The following EPB41L5 variants were observed in gnomAD, a reference collection of about 807,000 sequenced individuals.
The protein encoded by EPB41L5 is erythrocyte membrane protein band 4.1 like 5.
Under a neutral mutation model 106.6 loss-of-function variants are expected in EPB41L5, and 55 were observed. The observed-to-expected ratio is 0.52, with a 90% CI of 0.42 to 0.65. The LOEUF is 0.65. Among genes scored for constraint, EPB41L5 ranks in the 30% least tolerant of loss-of-function variants. EPB41L5 has a pLI of 0.00. For synonymous variants in EPB41L5, 297 were observed against 306.7 expected, an observed-to-expected ratio of 0.97 and a Z score of 0.33; for missense variants, 871 against 882.1, an observed-to-expected ratio of 0.99 and a Z score of 0.16.
In EPB41L5 at chr2:120,091,571, C is replaced by G. The variant is rs1683414552; in HGVS notation, c.1060C>G (p.Gln354Glu). Residue 354 changes from glutamine to glutamate, a missense_variant, in exon 13 of 25, where the codon CAG becomes GAG. Physicochemically the swap from Gln to Glu is conservative, Grantham distance 29 (BLOSUM62 2). Coordinates refer to ENST00000263713, the MANE Select transcript of EPB41L5 (RefSeq NM_020909.4). ...RFRYSGKTEY[Q>E]TTKTNKARRS... Reference sequence around the variant, plus strand: ...CTCATTTAGTGGGAAAACAGAGTATCAGACCACAAAAACCAATAAAGCAAG... The same window carrying G: ...CTCATTTAGTGGGAAAACAGAGTATGAGACCACAAAAACCAATAAAGCAAG... 3.1e-6 allele frequency: 5 copies of G among 1,613,584 alleles called. No homozygotes were observed. The highest frequency in any genetic ancestry group is 4.2e-6 in the Non-Finnish European group (5 of 1,179,672).
chr2:120,066,613 C>G (rs1323316363), intron 3 of EPB41L5, among the ~76,000 whole-genome samples: 1 of 152,056 alleles, frequency 6.6e-6, no homozygotes, highest in Non-Finnish European at 1.5e-5. Flanking sequence ...TGTAGAATTG[C>G]TGGGTTGAAG....
chr2:120,138,479 C>A (rs1226737556), intron 18 of EPB41L5, among the ~76,000 whole-genome samples: 5 of 151,868 alleles, frequency 3.3e-5, no homozygotes, highest in Non-Finnish European at 7.4e-5. Flanking sequence ...CTAATAAATT[C>A]AGTAAAGTGG....
At chr2:120,053,476 T>G (rs1680426535) in intron 3 of EPB41L5, among the ~76,000 whole-genome samples, 1 of 152,168 alleles carries the variant, frequency 6.6e-6, no homozygotes. Context: ...AAAGAAACCC[T>G]CTTACACGTT....
chr2:120,107,769 G>A (rs898951718), intron 16 of EPB41L5, among the ~76,000 whole-genome samples: 52 of 152,164 alleles, frequency 3.4e-4, no homozygotes, highest in Non-Finnish European at 5.0e-4. Flanking sequence ...AACATTGTGA[G>A]AATGGAATCT....
At chr2:120,074,236 T>C in intron 5 of EPB41L5, 58 bp downstream of exon 5, 1 of 1,309,386 alleles carries the variant, frequency 7.6e-7, no homozygotes, top group Non-Finnish European at 1.1e-6. Context: ...AAAGACTGTC[T>C]TTATATTGTT....
intron 18 of EPB41L5, among the ~76,000 whole-genome samples, chr2:120,135,541 A>C (rs952349822): frequency 3.3e-5 from 5 of 152,206 alleles, no homozygotes; most frequent in Non-Finnish European, 5.9e-5. Flanking sequence ...AAAAACAGCA[A>C]GATAAAAGAA....
Position 120,091,678 on chromosome 2 carries a change from T to C in EPB41L5, c.1150+17T>C, listed in dbSNP as rs750017206. 6.4e-7 allele frequency: 1 copy of C among 1,571,982 alleles called. No individual in the cohort carries two copies. Among genetic ancestry groups the C allele is most frequent in the Admixed American group, 1.7e-5 (1 of 57,940 alleles). ...AAATGAAAGGTGAAGTGCAACCCTCTTTCAAAGGATTATTTTTCCTTGGCA... is the reference window on the plus strand; with the variant it reads ...AAATGAAAGGTGAAGTGCAACCCTCCTTCAAAGGATTATTTTTCCTTGGCA... On this transcript the variant is annotated intron_variant, in intron 13 of 24. Transcript: ENST00000263713.
intron 3 of EPB41L5, among the ~76,000 whole-genome samples, chr2:120,063,118 T>G (rs1353913911): frequency 6.6e-6 from 1 of 151,928 alleles, no homozygotes; most frequent in Non-Finnish European, 1.5e-5. Context: ...GGTGGGCAGA[T>G]CATATGAGGT....
At chr2:120,160,034 A>G (rs1003492529) in intron 20 of EPB41L5, among the ~76,000 whole-genome samples, 1 of 152,218 alleles carries the variant, frequency 6.6e-6, no homozygotes, top group East Asian at 1.9e-4. Flanking sequence ...GTGGACACAT[A>G]GAGGTGAAAA....
intron 3 of EPB41L5, among the ~76,000 whole-genome samples, chr2:120,045,596 T>G (rs1679711340): frequency 6.6e-6 from 1 of 152,182 alleles, no homozygotes; most frequent in African/African-American, 2.4e-5. Flanking sequence ...TCAGATAATG[T>G]TAACTGTTCC....
At chr2:120,134,030 G>A (rs996482904) in intron 18 of EPB41L5, among the ~76,000 whole-genome samples, 1 of 152,030 alleles carries the variant, frequency 6.6e-6, no homozygotes, top group Admixed American at 6.6e-5. Flanking sequence ...TGTCTTGAGG[G>A]AAAGTATCCA....
intron 2 of EPB41L5, among the ~76,000 whole-genome samples, chr2:120,020,427 TAATC>T (rs1456814836): frequency 1.3e-5 from 2 of 152,224 alleles, no homozygotes; most frequent in African/African-American, 2.4e-5. Flanking sequence ...ATGATAAAAT[TAATC>T]AAAGACTCAG....
At position 120,163,980 on chromosome 2, in the gene EPB41L5, C is replaced by CTTTT. The variant is rs70949387; in HGVS notation, c.1888-839_1888-836dup. 1.6e-4 allele frequency among the ~76,000 whole-genome samples: 11 copies of CTTTT among 68,140 alleles called. 2 individuals carry two copies. Among genetic ancestry groups the CTTTT allele is most frequent in the Non-Finnish European group, 2.2e-4 (8 of 36,848 alleles). The allele number at this position is 68,140 out of a possible 152,430, so 44.7% of individuals were successfully genotyped here. ...ACTTTTTTTTATTTTTTTGTATTTA[C>CTTTT]TTTTTTTTTTTTTTTTTTTTGAGAT... On this transcript the variant is annotated intron_variant, in intron 21 of 24. Coordinates refer to ENST00000263713, the MANE Select transcript of EPB41L5 (RefSeq NM_020909.4).
rs1326142721 is a variant in EPB41L5, at chr2:120,147,618, C to CT, written c.1793+1330dup. Among the ~76,000 whole-genome samples the CT allele has an allele frequency of 3.5e-5, 4 of 115,924 alleles. No homozygotes were observed. In the East Asian group the frequency reaches 7.0e-4, roughly 20 times the overall value. The allele number at this position is 115,924 out of a possible 152,430, so 76.1% of individuals were successfully genotyped here. ...CCAGCGTGGGCAACAGAGCGAAACT[C>CT]TGTCTCAAAAAAAAAAAAAAAAAAA... On this transcript the variant is annotated intron_variant, in intron 20 of 24. Transcript: ENST00000263713.
At chr2:120,132,036 G>A (rs148457965) in intron 18 of EPB41L5, among the ~76,000 whole-genome samples, 69 of 152,172 alleles carry the variant, frequency 4.5e-4, no homozygotes, top group African/African-American at 1.6e-3. Flanking sequence ...ATTACAGAAG[G>A]ATTTGTTTTA....
At chr2:120,088,208 C>G (rs1683193248) in intron 11 of EPB41L5, among the ~76,000 whole-genome samples, 1 of 152,042 alleles carries the variant, frequency 6.6e-6, no homozygotes, top group African/African-American at 2.4e-5. Flanking sequence ...AGTAATTTGA[C>G]TGCTATACTT....
At chr2:120,065,140 A>G (rs1681357795) in intron 3 of EPB41L5, among the ~76,000 whole-genome samples, 1 of 152,040 alleles carries the variant, frequency 6.6e-6, no homozygotes, top group African/African-American at 2.4e-5. Flanking sequence ...CATTTTAGAG[A>G]TGGGGTCTTG....
intron 1 of EPB41L5, among the ~76,000 whole-genome samples, chr2:120,015,917 A>C (rs1255465918): frequency 6.6e-6 from 1 of 151,932 alleles, no homozygotes; most frequent in Non-Finnish European, 1.5e-5. Context: ...TAAAAAAAAA[A>C]AAAAAAAAAC....
At chr2:120,022,213 T>C (rs1444644580) in intron 2 of EPB41L5, among the ~76,000 whole-genome samples, 1 of 152,198 alleles carries the variant, frequency 6.6e-6, no homozygotes, top group African/African-American at 2.4e-5. Context: ...CTTTAAGTTC[T>C]GGGATACATG....
Sources: gnomAD v4.1 joint callset for allele counts (sites outside exome capture counted in the v4.1 genomes callset) on GRCh38, gnomAD v4.1.1 for gene constraint, MANE v1.5 for transcripts, NCBI Gene and HGNC (gene_info 2026-07-23, HGNC 2026-07-21) for gene names.